Variants in MICU1 observed in about 807,000 individuals in gnomAD.
MICU1 encodes the protein mitochondrial calcium uptake 1.
MICU1 carries 45 observed loss-of-function variants against 56.8 expected under a neutral mutation model. That is an observed-to-expected ratio of 0.79 (90% CI 0.62 to 1.02). The LOEUF is 1.02. Among genes scored for constraint, MICU1 ranks in the 50% least tolerant of loss-of-function variants. MICU1 has a pLI of 0.00. For missense variants in MICU1, 504 were observed against 587.1 expected (o/e 0.86, Z 1.46); for synonymous variants, 186 against 195.1 (o/e 0.95, Z 0.39).
intron 6 of MICU1, among the ~76,000 whole-genome samples, chr10:72,496,089 C>T (rs1357965755): frequency 2.0e-5 from 3 of 151,848 alleles, no homozygotes; most frequent in Non-Finnish European, 4.4e-5. Flanking sequence ...ACCTCAGCCT[C>T]GCAATTAGCT....
chr10:72,614,816 G>T (rs879592199), intron 1 of MICU1, among the ~76,000 whole-genome samples: 3 of 152,172 alleles, frequency 2.0e-5, no homozygotes, highest in Non-Finnish European at 4.4e-5. Context: ...AGTTTGGGAA[G>T]TAGTTTTGGA....
Position 72,375,760 on chromosome 10 carries a change from G to C in MICU1, c.1270+23C>G, listed in dbSNP as rs77036743. Reference sequence around the variant, plus strand: ...AGGGCAGCTAGGCTGTTTCCCCTCCGGGCTCCAGAGGGCCCCACTCACCAT... The same window carrying C: ...AGGGCAGCTAGGCTGTTTCCCCTCCCGGCTCCAGAGGGCCCCACTCACCAT... On this transcript the variant is annotated intron_variant, in intron 11 of 11. Coordinates refer to ENST00000361114, the MANE Select transcript of MICU1 (RefSeq NM_001195518.2). 2,359 of 1,604,568 alleles carry C rather than the reference G, an allele frequency of 1.5e-3. 30 individuals carry two copies. The African/African-American group carries it at 0.026, about 18-fold the overall frequency.
chr10:72,481,053 C>G (rs957551143), intron 6 of MICU1, among the ~76,000 whole-genome samples: 1 of 152,162 alleles, frequency 6.6e-6, no homozygotes, highest in Non-Finnish European at 1.5e-5. Flanking sequence ...TGTGCTTGGG[C>G]CACTGCTGAG....
At chr10:72,527,885 G>A (rs1868010986) in intron 5 of MICU1, among the ~76,000 whole-genome samples, 2 of 152,150 alleles carry the variant, frequency 1.3e-5, no homozygotes, top group South Asian at 4.1e-4. Context: ...GGAGTGCAGT[G>A]ATGCCAATCC....
intron 1 of MICU1, among the ~76,000 whole-genome samples, chr10:72,582,607 T>C (rs1208301096): frequency 6.6e-6 from 1 of 151,938 alleles, no homozygotes; most frequent in African/African-American, 2.4e-5. Flanking sequence ...AAAATTTAGT[T>C]TTTTAAAATT....
intron 1 of MICU1, among the ~76,000 whole-genome samples, chr10:72,613,177 C>CT (rs1220919437): frequency 3.3e-5 from 5 of 151,820 alleles, no homozygotes; most frequent in Non-Finnish European, 7.4e-5. Context: ...GCTTCATCTA[C>CT]TTATCTATAT....
At chr10:72,467,410 C>T (rs1007652017) in intron 8 of MICU1, among the ~76,000 whole-genome samples, 36 of 152,286 alleles carry the variant, frequency 2.4e-4, no homozygotes, top group Admixed American at 2.2e-3. Flanking sequence ...TCTCATACTC[C>T]TGACCTCAGG....
intron 8 of MICU1, among the ~76,000 whole-genome samples, chr10:72,428,596 A>G (rs1391637493): frequency 6.6e-6 from 1 of 152,130 alleles, no homozygotes; most frequent in Non-Finnish European, 1.5e-5. Flanking sequence ...CAGGCGTGAG[A>G]CACTGTACCT....
chr10:72,381,722 C>T (rs970135272), intron 10 of MICU1, among the ~76,000 whole-genome samples: 8 of 152,084 alleles, frequency 5.3e-5, no homozygotes, highest in African/African-American at 1.7e-4. Context: ...TGAGCCTGAG[C>T]GCATCATCCC....
intron 5 of MICU1, among the ~76,000 whole-genome samples, chr10:72,523,283 T>G (rs1469368205): frequency 6.6e-6 from 1 of 152,220 alleles, no homozygotes; most frequent in East Asian, 1.9e-4. Context: ...CAGGTGTTAG[T>G]ATCTCATCTG....
At chr10:72,466,686 T>G (rs1865803518) in intron 8 of MICU1, among the ~76,000 whole-genome samples, 1 of 152,220 alleles carries the variant, frequency 6.6e-6, no homozygotes, top group Admixed American at 6.5e-5. Flanking sequence ...AAACCTACTT[T>G]GCCAAAGAGT....
chr10:72,441,615 C>CTT (rs71018287), intron 8 of MICU1, among the ~76,000 whole-genome samples: 1,510 of 105,468 alleles, frequency 0.014, 103 homozygotes, highest in African/African-American at 0.051. Flanking sequence ...TTTAATTTTT[C>CTT]TTTTTTTTTT....
intron 6 of MICU1, among the ~76,000 whole-genome samples, chr10:72,487,436 T>C (rs1455930404): frequency 6.6e-6 from 1 of 152,180 alleles, no homozygotes; most frequent in Non-Finnish European, 1.5e-5. Flanking sequence ...TTCAAATAAC[T>C]GTAACCACAG....
At chr10:72,550,468 G>T (rs906637060) in intron 4 of MICU1, among the ~76,000 whole-genome samples, 1 of 152,122 alleles carries the variant, frequency 6.6e-6, no homozygotes, top group Admixed American at 6.6e-5. Flanking sequence ...TAAGTGGCCC[G>T]TGACGGTACA....
At chr10:72,585,734 T>A (rs910434185) in intron 1 of MICU1, among the ~76,000 whole-genome samples, 2 of 152,080 alleles carry the variant, frequency 1.3e-5, no homozygotes, top group Admixed American at 1.3e-4. Flanking sequence ...AATAAGGTGC[T>A]GTTAACCAGT....
intron 8 of MICU1, among the ~76,000 whole-genome samples, chr10:72,447,526 G>T (rs1436316967): frequency 6.6e-6 from 1 of 151,946 alleles, no homozygotes; most frequent in African/African-American, 2.4e-5. Flanking sequence ...AGAAGAAAAA[G>T]AAAACCTAGG....
At chr10:72,399,746 T>A (rs1863389880) in intron 10 of MICU1, among the ~76,000 whole-genome samples, 2 of 152,134 alleles carry the variant, frequency 1.3e-5, no homozygotes, top group African/African-American at 4.8e-5. Context: ...ACAGATCACT[T>A]GAGGTCAGGA....
At chr10:72,542,800 G>A (rs1839806525) in intron 4 of MICU1, among the ~76,000 whole-genome samples, 1 of 152,202 alleles carries the variant, frequency 6.6e-6, no homozygotes, top group African/African-American at 2.4e-5. Context: ...CCTGTCTGGT[G>A]TCCAGGAAAA....
intron 8 of MICU1, among the ~76,000 whole-genome samples, chr10:72,440,001 C>T (rs1272819255): frequency 1.3e-5 from 2 of 152,110 alleles, no homozygotes; most frequent in Non-Finnish European, 2.9e-5. Flanking sequence ...TCAATGCCAT[C>T]CCCATGAAGC....
Sources: gnomAD v4.1 joint callset for allele counts (sites outside exome capture counted in the v4.1 genomes callset) on GRCh38, gnomAD v4.1.1 for gene constraint, MANE v1.5 for transcripts, NCBI Gene and HGNC (gene_info 2026-07-23, HGNC 2026-07-21) for gene names.